The following DLGAP2 variants were observed in gnomAD, a reference collection of about 807,000 sequenced individuals.
The protein encoded by DLGAP2 is DLG associated protein 2.
A neutral mutation model predicts 100.3 loss-of-function variants in DLGAP2; 26 were observed. The observed-to-expected ratio is 0.26, with a 90% CI of 0.19 to 0.36. DLGAP2 has a LOEUF of 0.36. Ranked by LOEUF, DLGAP2 falls within the 10% of genes least tolerant of loss-of-function variation. DLGAP2 has a pLI of 1.00. For synonymous variants in DLGAP2, 886 were observed against 630.1 expected, an observed-to-expected ratio of 1.41 and a Z score of -6.08; for missense variants, 1,858 against 1,453.2, an observed-to-expected ratio of 1.28 and a Z score of -4.53.
At chr8:1,022,331 G>T (rs1212288691) in intron 2 of DLGAP2, among the ~76,000 whole-genome samples, 2 of 108,100 alleles carry the variant, frequency 1.9e-5, no homozygotes, top group East Asian at 3.0e-4. Flanking sequence ...GGGAGTGGAC[G>T]GTCCCGTGCC....
chr8:1,459,961 C>T (rs1798428085), intron 3 of DLGAP2, among the ~76,000 whole-genome samples: 1 of 152,184 alleles, frequency 6.6e-6, no homozygotes, highest in African/African-American at 2.4e-5. Context: ...GCAAAAAGTA[C>T]TCACAGAGGT....
chr8:1,450,455 TGTGG>T (rs1798123707), intron 3 of DLGAP2, among the ~76,000 whole-genome samples: 1 of 68,798 alleles, frequency 1.5e-5, no homozygotes, highest in African/African-American at 6.1e-5. Context: ...CCTCGGTGGC[TGTGG>T]CTGAGGCTGA....
rs553403722 is a variant in DLGAP2 at position 1,554,494 on chromosome 8, G to C, written c.1230+4811G>C. Reference sequence around the variant, plus strand: ...TCCACATGCTGGGTGACCCCTCCCTGCTGGTTTCCTTCACGCCCTCAGCTC... The same window carrying C: ...TCCACATGCTGGGTGACCCCTCCCTCCTGGTTTCCTTCACGCCCTCAGCTC... On this transcript the variant is annotated intron_variant, in intron 5 of 14. Coordinates refer to ENST00000637795, the MANE Select transcript of DLGAP2 (RefSeq NM_001346810.2). Among the ~76,000 whole-genome samples, 71 of 152,176 alleles carry C rather than the reference G, an allele frequency of 4.7e-4. 1 individual carries two copies. In the South Asian group the frequency reaches 8.3e-3, roughly 18 times the overall value.
chr8:1,143,206 A>G (rs1796551124), intron 2 of DLGAP2, among the ~76,000 whole-genome samples: 1 of 152,146 alleles, frequency 6.6e-6, no homozygotes, highest in African/African-American at 2.4e-5. Flanking sequence ...CTATATGACA[A>G]GGGTAAAATG....
intron 2 of DLGAP2, among the ~76,000 whole-genome samples, chr8:994,428 G>A (rs184875955): frequency 6.6e-5 from 10 of 152,138 alleles, no homozygotes; most frequent in East Asian, 3.9e-4. Flanking sequence ...TCGAACTCCC[G>A]ACCTCAGGTG....
intron 2 of DLGAP2, among the ~76,000 whole-genome samples, chr8:1,061,975 A>G (rs1300653466): frequency 3.3e-5 from 5 of 151,740 alleles, no homozygotes; most frequent in Non-Finnish European, 7.4e-5. Flanking sequence ...AGAGCAAATG[A>G]TATCATCACA....
chr8:993,907 G>A (rs768134885), intron 2 of DLGAP2, among the ~76,000 whole-genome samples: 2 of 148,420 alleles, frequency 1.3e-5, no homozygotes, highest in African/African-American at 2.5e-5. Context: ...TTAGAGGCTT[G>A]ACTCTAATAG....
chr8:795,503 A>T (rs1165932523), intron 1 of DLGAP2, among the ~76,000 whole-genome samples: 1 of 152,240 alleles, frequency 6.6e-6, no homozygotes, highest in African/African-American at 2.4e-5. Flanking sequence ...GACCAAATAA[A>T]GCATGCAAAG....
chr8:1,096,628 A>G (rs1585054799), intron 2 of DLGAP2, among the ~76,000 whole-genome samples: 2 of 146,894 alleles, frequency 1.4e-5, no homozygotes, highest in South Asian at 2.2e-4. Flanking sequence ...CCAGCGTGAG[A>G]CCCACCTCCC....
intron 3 of DLGAP2, among the ~76,000 whole-genome samples, chr8:1,409,521 G>A (rs7015368): frequency 3.3e-5 from 5 of 152,248 alleles, no homozygotes; most frequent in African/African-American, 1.2e-4. Context: ...TGACGAACGT[G>A]CTCAGAACCC....
chr8:1,244,878 A>G (rs1225723362), intron 2 of DLGAP2, among the ~76,000 whole-genome samples: 1 of 152,266 alleles, frequency 6.6e-6, no homozygotes, highest in Admixed American at 6.5e-5. Flanking sequence ...TGCAAAGCAT[A>G]TGTGTAAAAA....
At chr8:1,557,105 G>C (rs1453761293) in intron 5 of DLGAP2, among the ~76,000 whole-genome samples, 1 of 152,096 alleles carries the variant, frequency 6.6e-6, no homozygotes, top group Non-Finnish European at 1.5e-5. Flanking sequence ...GCATTTCTGG[G>C]CTCCACCTAC....
intron 6 of DLGAP2, among the ~76,000 whole-genome samples, chr8:1,618,406 C>T (rs910044038): frequency 1.3e-5 from 2 of 152,170 alleles, no homozygotes; most frequent in African/African-American, 2.4e-5. Flanking sequence ...CTAAATAAAT[C>T]GAGAGCTAGA....
chr8:1,548,331 C>T (rs2404628), intron 4 of DLGAP2, among the ~76,000 whole-genome samples: 3 of 148,568 alleles, frequency 2.0e-5, no homozygotes, highest in Non-Finnish European at 4.5e-5. Context: ...TGGTGGCAGG[C>T]GCCTGTAGTC....
chr8:1,435,737 G>A (rs1307963373), intron 3 of DLGAP2, among the ~76,000 whole-genome samples: 3 of 151,852 alleles, frequency 2.0e-5, no homozygotes, highest in African/African-American at 4.8e-5. Context: ...GCAGCTCCAC[G>A]TCTGTCACCG....
In DLGAP2 at chr8:1,489,967, C is replaced by T. The variant is rs189235082; in HGVS notation, c.107-11399C>T. On this transcript the variant is annotated intron_variant, in intron 3 of 14. Coordinates refer to ENST00000637795, the MANE Select transcript of DLGAP2 (RefSeq NM_001346810.2). ...AGTGCAGTGGCACAATCTTGGCTCA[C>T]TGCAACCTCCACCTCTCAGGTTCAA... is the stretch of plus-strand genomic sequence containing the variant. Among the ~76,000 whole-genome samples, 1,040 of 152,264 alleles carry T rather than the reference C, an allele frequency of 6.8e-3. 12 individuals are homozygous for T. Among genetic ancestry groups the T allele is most frequent in the African/African-American group, 0.023 (945 of 41,544 alleles).
chr8:1,282,583 G>A (rs1279190197), intron 3 of DLGAP2, among the ~76,000 whole-genome samples: 1 of 116,234 alleles, frequency 8.6e-6, no homozygotes, highest in African/African-American at 3.3e-5. Flanking sequence ...TGAACCATCT[G>A]GACATGGTGT....
At chr8:1,373,353 C>T (rs1456977338) in intron 3 of DLGAP2, among the ~76,000 whole-genome samples, 34 of 151,936 alleles carry the variant, frequency 2.2e-4, no homozygotes, top group African/African-American at 8.0e-4. Flanking sequence ...GCGCCTGGAC[C>T]GTGGCCGCAG....
At position 1,678,455 on chromosome 8, in the gene DLGAP2, C is replaced by G. The variant is rs372823337; in HGVS notation, c.2530C>G (p.Pro844Ala). The change falls in exon 12 of 15, where the codon CCT (proline) becomes GCT (alanine). Residue 844 changes from proline to alanine, a missense_variant. By Grantham distance (27) the Pro-to-Ala change is conservative. Transcript: ENST00000637795. ...CCAAGTGGACACCTCCACCCTGCCC[C>G]CTCCAGACCCCTGGCTGGAGCCCGC... ...RTQVDTSTLP[P>A]PDPWLEPAID... 1.5e-5 allele frequency: 25 copies of G among 1,613,524 alleles called. No homozygotes were observed. In the East Asian group the frequency reaches 4.0e-4, roughly 26 times the overall value.
Sources: allele counts gnomAD v4.1 joint callset (sites outside exome capture counted in the v4.1 genomes callset), GRCh38; gene constraint gnomAD v4.1.1; transcripts MANE v1.5; gene names NCBI Gene and HGNC (gene_info 2026-07-23, HGNC 2026-07-21).